Variants in PAX3 observed in about 807,000 individuals in gnomAD.
The protein encoded by PAX3 is paired box protein Pax-3.
A neutral mutation model predicts 51.6 loss-of-function variants in PAX3; 14 were observed. That is an observed-to-expected ratio of 0.27 (90% CI 0.18 to 0.42). PAX3 has a LOEUF of 0.42. Ranked by LOEUF, PAX3 falls within the 10% of genes least tolerant of loss-of-function variation. The pLI is 1.00. For missense variants in PAX3, 540 were observed against 642.8 expected (o/e 0.84, Z 1.73); for synonymous variants, 280 against 253.4 (o/e 1.11, Z -1.00).
In PAX3 at chr2:222,265,513, C is replaced by T. The variant is rs570704435; in HGVS notation, c.586+28654G>A. Among the ~76,000 whole-genome samples the T allele has an allele frequency of 2.2e-4, 33 of 152,046 alleles. 1 individual carries two copies. The East Asian group carries it at 5.6e-3, about 26-fold the overall frequency. ...CTAAAAATACAAAAAAATAGCCGGGCGTGGTGGTGGGCGCCTGTAGTCCTA... is the reference window on the plus strand; with the variant it reads ...CTAAAAATACAAAAAAATAGCCGGGTGTGGTGGTGGGCGCCTGTAGTCCTA... On this transcript the variant is annotated intron_variant, in intron 4 of 8. Transcript: ENST00000392070.
chr2:222,207,649 A>G (rs1002007543), intron 7 of PAX3, among the ~76,000 whole-genome samples: 1 of 152,152 alleles, frequency 6.6e-6, no homozygotes, highest in African/African-American at 2.4e-5. Context: ...TGTATGTTTC[A>G]TCTCCAGCCC....
chr2:222,233,077 T>A (rs1299810079), intron 4 of PAX3: 2 of 13,310 alleles, frequency 1.5e-4, no homozygotes, highest in Admixed American at 8.3e-4. Context: ...AGAAAGCCAA[T>A]GCAAAAAAAA....
At position 222,218,142 on chromosome 2, in the gene PAX3, T is replaced by A. The variant is rs899962598; in HGVS notation, c.1173+1998A>T. 3.3e-5 allele frequency among the ~76,000 whole-genome samples: 5 copies of A among 152,282 alleles called. No individual in the cohort carries two copies. The East Asian group carries it at 9.7e-4, about 29-fold the overall frequency. On this transcript the variant is annotated intron_variant, in intron 7 of 8. Transcript: ENST00000392070. The stretch of plus-strand genomic sequence containing the variant: ...ATTGCAATGTAATAAAGAATTACCA[T>A]AATATGTAAGATATAGTAAAGAAAT...
chr2:222,209,240 G>A (rs1420511225), intron 7 of PAX3, among the ~76,000 whole-genome samples: 1 of 152,174 alleles, frequency 6.6e-6, no homozygotes, highest in Non-Finnish European at 1.5e-5. Context: ...TATGATGTAA[G>A]CAAATATTTC....
chr2:222,298,381 C>T, intron 1 of PAX3, 150 bp downstream of exon 1: 1 of 652,306 alleles, frequency 1.5e-6, no homozygotes, highest in Admixed American at 2.5e-5. Context: ...CGAGTAGGTC[C>T]TCGCCCCCGA....
chr2:222,276,834 C>T (rs968755400), intron 4 of PAX3, among the ~76,000 whole-genome samples: 1 of 152,198 alleles, frequency 6.6e-6, no homozygotes, highest in Non-Finnish European at 1.5e-5. Flanking sequence ...GGTCCAAGAT[C>T]CCCCCTAAGG....
intron 4 of PAX3, among the ~76,000 whole-genome samples, chr2:222,290,638 A>G (rs1200841411): frequency 6.6e-6 from 1 of 152,186 alleles, no homozygotes; most frequent in Admixed American, 6.5e-5. Flanking sequence ...GTAACTTTGC[A>G]TCTAAATATT....
At chr2:222,241,515 T>G (rs1481589393) in intron 4 of PAX3, among the ~76,000 whole-genome samples, 8 of 152,210 alleles carry the variant, frequency 5.3e-5, no homozygotes, top group Admixed American at 2.6e-4. Context: ...ACAATAATAG[T>G]TAACTGACAG....
Position 222,200,027 on chromosome 2 carries a change from G to A in PAX3, c.*1381C>T, listed in dbSNP as rs896240137. On this transcript the variant is annotated 3_prime_UTR_variant, in exon 9 of 9. Coordinates refer to ENST00000392070, the MANE Select transcript of PAX3 (RefSeq NM_181458.4). ...CTTCTCTTGTTCCATCACCCTCTAAGACCAATGCATGAACTAAATTCGGTA... is the reference window on the plus strand; with the variant it reads ...CTTCTCTTGTTCCATCACCCTCTAAAACCAATGCATGAACTAAATTCGGTA... The A allele has an allele frequency of 3.9e-5, 8 of 204,762 alleles. No homozygotes were observed. The highest frequency in any genetic ancestry group is 8.0e-5 in the Non-Finnish European group (8 of 99,840). 12.7% of individuals were successfully genotyped at this position (204,762 alleles called of 1,614,324 possible).
At chr2:222,210,746 C>T (rs561473808) in intron 7 of PAX3, among the ~76,000 whole-genome samples, 2 of 152,278 alleles carry the variant, frequency 1.3e-5, no homozygotes, top group African/African-American at 2.4e-5. Flanking sequence ...TTTGAAATGT[C>T]TAAGTAGAAT....
chr2:222,295,688 A>G, intron 2 of PAX3, 31 bp from the exon 3 acceptor site: 1 of 1,613,334 alleles, frequency 6.2e-7, no homozygotes, highest in Non-Finnish European at 8.5e-7. Flanking sequence ...AGGCGTTGGT[A>G]CCCGGTACCC....
At chr2:222,284,173 C>A (rs897151835) in intron 4 of PAX3, among the ~76,000 whole-genome samples, 1 of 152,158 alleles carries the variant, frequency 6.6e-6, no homozygotes, top group African/African-American at 2.4e-5. Context: ...CACAACCTCA[C>A]GTGCAGAGCT....
At chr2:222,231,799 C>T (rs112338443) in intron 5 of PAX3, among the ~76,000 whole-genome samples, 2 of 152,188 alleles carry the variant, frequency 1.3e-5, no homozygotes, top group African/African-American at 4.8e-5. Flanking sequence ...TTTATTTGCT[C>T]TTACTTGTGT....
At chr2:222,270,561 T>G (rs1694216921) in intron 4 of PAX3, among the ~76,000 whole-genome samples, 1 of 152,186 alleles carries the variant, frequency 6.6e-6, no homozygotes, top group Non-Finnish European at 1.5e-5. Context: ...GGCCTTATTT[T>G]CCATGAGCTT....
At chr2:222,276,899 T>A (rs987368147) in intron 4 of PAX3, among the ~76,000 whole-genome samples, 7 of 152,152 alleles carry the variant, frequency 4.6e-5, no homozygotes, top group Admixed American at 4.6e-4. Context: ...ATGGGTAAAT[T>A]GTTAGTCAAA....
intron 7 of PAX3, 28 bp downstream of exon 7, chr2:222,220,112 A>G: frequency 6.3e-7 from 1 of 1,595,088 alleles, no homozygotes; most frequent in East Asian, 2.2e-5. Context: ...TATACAGCAA[A>G]TCGTCTGTCT....
chr2:222,231,100 G>T (rs1013813218), intron 5 of PAX3, among the ~76,000 whole-genome samples: 2 of 152,182 alleles, frequency 1.3e-5, no homozygotes, highest in East Asian at 3.8e-4. Flanking sequence ...GAGCTCTGCA[G>T]CCTGGAAGAG....
chr2:222,255,939 T>TTTC (rs1467000884), intron 4 of PAX3, among the ~76,000 whole-genome samples: 1 of 147,226 alleles, frequency 6.8e-6, no homozygotes, highest in Non-Finnish European at 1.5e-5. Flanking sequence ...TTTTTTTTTT[T>TTTC]TGTATTTTTA....
intron 4 of PAX3, chr2:222,293,810 C>T (rs1426581951): frequency 6.2e-7 from 1 of 1,613,902 alleles, no homozygotes; most frequent in Non-Finnish European, 8.5e-7. Flanking sequence ...CCCTCTATCC[C>T]CGGCCCTACA....
Sources: allele counts gnomAD v4.1 joint callset (sites outside exome capture counted in the v4.1 genomes callset), GRCh38; gene constraint gnomAD v4.1.1; transcripts MANE v1.5; gene names NCBI Gene and HGNC (gene_info 2026-07-23, HGNC 2026-07-21).